Variants in PCDHGA3 observed in about 807,000 individuals in gnomAD.
PCDHGA3 encodes the protein protocadherin gamma-A3.
In PCDHGA3, 40 loss-of-function variants were observed where a neutral mutation model predicts 58.5. The observed-to-expected ratio is 0.68, with a 90% CI of 0.53 to 0.89. The LOEUF is 0.89. Among genes scored for constraint, PCDHGA3 ranks in the 40% least tolerant of loss-of-function variants. The pLI, the probability that PCDHGA3 is intolerant of heterozygous loss-of-function variation, is 0.00. For synonymous variants in PCDHGA3, 530 were observed against 525.7 expected, an observed-to-expected ratio of 1.01 and a Z score of -0.11; for missense variants, 1,223 against 1,195.9, an observed-to-expected ratio of 1.02 and a Z score of -0.33.
intron 1 of PCDHGA3, among the ~76,000 whole-genome samples, chr5:141,454,491 C>T (rs956727548): frequency 6.6e-6 from 1 of 152,194 alleles, no homozygotes; most frequent in South Asian, 2.1e-4. Context: ...ACCGCAACCT[C>T]CACCTCCTGG....
rs373591066 is a variant in PCDHGA3, at chr5:141,404,487, G to A, written c.2424+58030G>A. On this transcript the variant is annotated intron_variant, in intron 1 of 3. Transcript: ENST00000253812. The stretch of plus-strand genomic sequence containing the variant: ...TATGTCTCTATTAACTCAGACACTG[G>A]TGTGCTGTATGCTCTGTGCTCCTTT... 6.8e-6 allele frequency: 11 copies of A among 1,613,722 alleles called. No homozygotes were observed. Among genetic ancestry groups the A allele is most frequent in the Admixed American group, 1.7e-5 (1 of 60,008 alleles).
At chr5:141,413,858 G>A (rs751172785) in intron 1 of PCDHGA3, 28 of 1,613,140 alleles carry the variant, frequency 1.7e-5, no homozygotes, top group African/African-American at 4.0e-5. Context: ...CTCCGATCTG[G>A]CACTGTCCTT....
intron 1 of PCDHGA3, among the ~76,000 whole-genome samples, chr5:141,455,603 C>T (rs1433078116): frequency 3.3e-5 from 5 of 152,190 alleles, no homozygotes; most frequent in Admixed American, 2.6e-4. Context: ...CGTAGGGCGC[C>T]ATGGATGTTC....
intron 1 of PCDHGA3, chr5:141,355,219 C>T: frequency 6.2e-7 from 1 of 1,605,766 alleles, no homozygotes; most frequent in Non-Finnish European, 8.5e-7. Flanking sequence ...GCCTCCTGCT[C>T]GCCCAGACCA....
intron 1 of PCDHGA3, chr5:141,422,844 G>A: frequency 6.2e-7 from 1 of 1,614,238 alleles, no homozygotes; most frequent in Non-Finnish European, 8.5e-7. Context: ...GTGACAGCGG[G>A]GACCCGCCCC....
chr5:141,473,238 G>A (rs1265577738), intron 1 of PCDHGA3, among the ~76,000 whole-genome samples: 4 of 152,200 alleles, frequency 2.6e-5, no homozygotes, highest in Admixed American at 6.5e-5. Context: ...ATCCACACAA[G>A]TGAATACATA....
intron 1 of PCDHGA3, among the ~76,000 whole-genome samples, chr5:141,453,710 A>C (rs988115758): frequency 3.9e-5 from 6 of 152,242 alleles, no homozygotes; most frequent in African/African-American, 1.4e-4. Context: ...GAACAGTTTC[A>C]CTATAAAAAT....
intron 1 of PCDHGA3, chr5:141,423,750 TGGGGGG>T: frequency 3.5e-6 from 1 of 287,482 alleles, no homozygotes; most frequent in Non-Finnish European, 4.5e-6. Flanking sequence ...GAAAACTGTT[TGGGGGG>T]GGGGTGGGGC....
chr5:141,433,993 T>G (rs1367687577), intron 1 of PCDHGA3, among the ~76,000 whole-genome samples: 1 of 152,216 alleles, frequency 6.6e-6, no homozygotes, highest in Non-Finnish European at 1.5e-5. Context: ...GAGTTTTATA[T>G]TCTCTATATA....
intron 1 of PCDHGA3, chr5:141,361,017 A>C (rs767981942): frequency 3.1e-6 from 5 of 1,613,324 alleles, no homozygotes; most frequent in Admixed American, 1.7e-5. Flanking sequence ...TTTTCAACTT[A>C]AATGAAAAAA....
chr5:141,478,849 C>A, intron 1 of PCDHGA3: 1 of 1,375,282 alleles, frequency 7.3e-7, no homozygotes, highest in Non-Finnish European at 9.6e-7. Flanking sequence ...TAAGCTAAAA[C>A]ACAAGATCTC....
At chr5:141,349,774 T>A (rs1310021505) in intron 1 of PCDHGA3, among the ~76,000 whole-genome samples, 1 of 152,168 alleles carries the variant, frequency 6.6e-6, no homozygotes, top group Non-Finnish European at 1.5e-5. Context: ...TTTATAAATA[T>A]AGTGAAATCA....
chr5:141,490,811 A>G lies in PCDHGA3; in HGVS notation c.2425-3996A>G, dbSNP rs750702067. The G allele has an allele frequency of 1.2e-6, 2 of 1,613,918 alleles. No homozygotes were observed. The highest frequency in any genetic ancestry group is 8.5e-7 in the Non-Finnish European group (1 of 1,179,884). On this transcript the variant is annotated intron_variant, in intron 1 of 3. Coordinates refer to ENST00000253812, the MANE Select transcript of PCDHGA3 (RefSeq NM_018916.4). This position sits in a 1 kb window ranked among gnomAD's most constrained non-coding sequence, Gnocchi z 5.4. ...ATCTTTGCCCAGCGTACCTTTGACTATGAATTGCTGCAGATGCTGCAGATT... is the reference window on the plus strand; with the variant it reads ...ATCTTTGCCCAGCGTACCTTTGACTGTGAATTGCTGCAGATGCTGCAGATT...
rs774288267 is a variant in PCDHGA3, at chr5:141,392,993, G to A, written c.2424+46536G>A. On this transcript the variant is annotated intron_variant, in intron 1 of 3. Transcript: ENST00000253812. ...TGGGGCTGGACCCCCGGAAGCTGGCGAAGCACGGAGTCCGTATCGTCTCCA... is the reference window on the plus strand; with the variant it reads ...TGGGGCTGGACCCCCGGAAGCTGGCAAAGCACGGAGTCCGTATCGTCTCCA... The A allele has an allele frequency of 5.0e-6, 8 of 1,613,802 alleles. 1 individual carries two copies. In the South Asian group the frequency reaches 6.6e-5, roughly 13 times the overall value.
At chr5:141,494,524 C>T (rs2099754936) in intron 1 of PCDHGA3, among the ~76,000 whole-genome samples, 1 of 152,156 alleles carries the variant, frequency 6.6e-6, no homozygotes, top group African/African-American at 2.4e-5. Flanking sequence ...GGAGTTCTGA[C>T]TCTGGGGGCA....
Position 141,503,999 on chromosome 5 carries a change from C to T in PCDHGA3, c.2484-1394C>T, listed in dbSNP as rs569153055. On this transcript the variant is annotated intron_variant, in intron 2 of 3. Coordinates refer to ENST00000253812, the MANE Select transcript of PCDHGA3 (RefSeq NM_018916.4). Reference sequence around the variant, plus strand: ...AACCCTTCTTCTTACCTTACAGTCACTTAACTGTCTCTGCTGGTCTCTTCC... The same window carrying T: ...AACCCTTCTTCTTACCTTACAGTCATTTAACTGTCTCTGCTGGTCTCTTCC... 2.0e-5 allele frequency among the ~76,000 whole-genome samples: 3 copies of T among 152,286 alleles called. No individual in the cohort carries two copies. The South Asian group carries it at 6.2e-4, about 32-fold the overall frequency.
At chr5:141,473,801 T>C (rs1593456345) in intron 1 of PCDHGA3, among the ~76,000 whole-genome samples, 1 of 152,226 alleles carries the variant, frequency 6.6e-6, no homozygotes, top group East Asian at 1.9e-4. Flanking sequence ...ATGATGCTAC[T>C]GAGGAGCAGC....
intron 1 of PCDHGA3, chr5:141,366,326 G>T: frequency 6.2e-7 from 1 of 1,613,810 alleles, no homozygotes. Flanking sequence ...TGCCGTGGCC[G>T]ACAGGATCCC....
Position 141,398,941 on chromosome 5 carries a change from G to A in PCDHGA3, c.2424+52484G>A. 4.3e-6 allele frequency: 7 copies of A among 1,613,890 alleles called. No homozygotes were observed. The highest frequency in any genetic ancestry group is 5.9e-6 in the Non-Finnish European group (7 of 1,179,892). ...AGTGTCAGCCACTGACCAAGACGAG[G>A]GCATCAACTCAGAAATTACTTATTC... is the stretch of plus-strand genomic sequence containing the variant. On this transcript the variant is annotated intron_variant, in intron 1 of 3. Transcript: ENST00000253812.
Sources: gnomAD v4.1 joint callset for allele counts (sites outside exome capture counted in the v4.1 genomes callset) on GRCh38, gnomAD v4.1.1 for gene constraint, Gnocchi (gnomAD v3.1) non-coding constraint, MANE v1.5 for transcripts, NCBI Gene and HGNC (gene_info 2026-07-23, HGNC 2026-07-21) for gene names.